The following FAM171A1 variants were observed in gnomAD, a reference collection of about 807,000 sequenced individuals.
FAM171A1 encodes family with sequence similarity 171 member A1, also known as protein FAM171A1.
FAM171A1 carries 23 observed loss-of-function variants against 74.9 expected under a neutral mutation model. The ratio of observed to expected loss-of-function variants is 0.31; its 90% CI spans 0.22 to 0.44. The LOEUF (loss-of-function observed/expected upper bound fraction) is 0.44. FAM171A1 is among the 20% of genes least tolerant of loss of function. FAM171A1 has a pLI of 1.00. For missense variants in FAM171A1, 1,162 were observed against 1,159.2 expected (o/e 1.00, Z -0.03); for synonymous variants, 527 against 505.7 (o/e 1.04, Z -0.57).
At chr10:15,270,289 C>A (rs1367535706) in intron 3 of FAM171A1, among the ~76,000 whole-genome samples, 1 of 152,220 alleles carries the variant, frequency 6.6e-6, no homozygotes, top group Non-Finnish European at 1.5e-5. Flanking sequence ...GCTAGCACAG[C>A]AGTCTGAGAT....
intron 6 of FAM171A1, among the ~76,000 whole-genome samples, chr10:15,216,869 G>C (rs546223593): frequency 1.6e-4 from 24 of 147,562 alleles, no homozygotes; most frequent in African/African-American, 5.7e-4. Context: ...TTTTATTTTC[G>C]CTTTTCCCGG....
chr10:15,258,565 C>T (rs1834613155), intron 3 of FAM171A1, among the ~76,000 whole-genome samples: 2 of 152,180 alleles, frequency 1.3e-5, no homozygotes, highest in Middle Eastern at 3.2e-3. Flanking sequence ...CTGTTATCCC[C>T]ATAAGCGAAT....
chr10:15,252,213 GC>G (rs927200372), intron 4 of FAM171A1, among the ~76,000 whole-genome samples: 1 of 152,106 alleles, frequency 6.6e-6, no homozygotes, highest in Non-Finnish European at 1.5e-5. Context: ...AGAGGAGGGG[GC>G]CCCCAAGAGC....
At chr10:15,273,516 G>C (rs1375360573) in intron 3 of FAM171A1, among the ~76,000 whole-genome samples, 5 of 152,172 alleles carry the variant, frequency 3.3e-5, no homozygotes, top group Non-Finnish European at 7.3e-5. Flanking sequence ...AATAGAAAAA[G>C]AGGGAATCTT....
At chr10:15,277,630 C>T (rs532046145) in intron 2 of FAM171A1, among the ~76,000 whole-genome samples, 1 of 152,298 alleles carries the variant, frequency 6.6e-6, no homozygotes, top group East Asian at 1.9e-4. Context: ...GCCAGGGCTA[C>T]GATTTGAACT....
intron 5 of FAM171A1, among the ~76,000 whole-genome samples, chr10:15,243,408 G>T (rs1290923680): frequency 6.6e-6 from 1 of 152,164 alleles, no homozygotes; most frequent in Non-Finnish European, 1.5e-5. Flanking sequence ...AGATTAGGAT[G>T]CAGAGATAGT....
Position 15,214,187 on chromosome 10 carries a change from C to T in FAM171A1, c.1401G>A (p.Lys467=), listed in dbSNP as rs746057503. Residue 467 remains lysine (K), a synonymous_variant, in exon 8 of 8, where the codon AAG becomes AAA. Transcript: ENST00000378116. The stretch of plus-strand genomic sequence containing the variant: ...CTTCTCTTTCCATAGATTTTCTTGC[C>T]TTTAAGGGAAAAACCTCCACTGACT... ...YHKSVEVFPL[K]ARKSMEREGY... 21 of 1,614,046 alleles carry T rather than the reference C, an allele frequency of 1.3e-5. No homozygotes were observed. The highest frequency in any genetic ancestry group is 2.2e-5 in the South Asian group (2 of 91,078).
intron 3 of FAM171A1, among the ~76,000 whole-genome samples, chr10:15,264,227 T>G (rs1834707900): frequency 6.6e-6 from 1 of 152,192 alleles, no homozygotes; most frequent in African/African-American, 2.4e-5. Context: ...CAAAGTGCCT[T>G]GACCTTGGCC....
At position 15,371,069 on chromosome 10, in the gene FAM171A1, GCGGCGGCTCGGGCTCGC is replaced by G; in HGVS notation, c.-34_-18del. 1 of 1,063,858 alleles carries G rather than the reference GCGGCGGCTCGGGCTCGC, an allele frequency of 9.4e-7. No individual in the cohort carries two copies. The highest frequency in any genetic ancestry group is 1.7e-5 in the African/African-American group (1 of 58,318). 65.9% of individuals were successfully genotyped at this position (1,063,858 alleles called of 1,614,324 possible). A position where few individuals can be genotyped will look rare whatever the true frequency, so the allele number is the denominator to read the frequency against. The stretch of plus-strand genomic sequence containing the variant: ...CCTGCTCATCTCCGCCGCGGGGCCG[GCGGCGGCTCGGGCTCGC>G]CGAGAGCGGGCCGGGCGGCGGCGCG... On this transcript the variant is annotated 5_prime_UTR_variant, in exon 1 of 8. Transcript: ENST00000378116.
intron 4 of FAM171A1, among the ~76,000 whole-genome samples, chr10:15,253,217 T>C (rs949879947): frequency 2.6e-5 from 4 of 152,106 alleles, no homozygotes; most frequent in Non-Finnish European, 5.9e-5. Context: ...TTGGCCAGGC[T>C]GGTCTCAAAC....
intron 1 of FAM171A1, among the ~76,000 whole-genome samples, chr10:15,346,367 A>G (rs536277498): frequency 6.6e-6 from 1 of 152,220 alleles, no homozygotes; most frequent in East Asian, 1.9e-4. Context: ...GAAGTACTGG[A>G]ATTACAGGTG....
At chr10:15,350,649 C>CTT (rs761496484) in intron 1 of FAM171A1, among the ~76,000 whole-genome samples, 14 of 125,252 alleles carry the variant, frequency 1.1e-4, no homozygotes, top group African/African-American at 2.7e-4. Context: ...CCAATTCTCT[C>CTT]TTTTTTTTTT....
chr10:15,241,997 C>T (rs1185909033), intron 5 of FAM171A1, among the ~76,000 whole-genome samples: 2 of 152,144 alleles, frequency 1.3e-5, no homozygotes, highest in Non-Finnish European at 2.9e-5. Flanking sequence ...AATAGATTCA[C>T]AAGTTGCTAT....
chr10:15,347,650 A>G (rs1466306544), intron 1 of FAM171A1, among the ~76,000 whole-genome samples: 2 of 151,984 alleles, frequency 1.3e-5, no homozygotes, highest in Non-Finnish European at 2.9e-5. Flanking sequence ...ATCCTGGCCA[A>G]CATGGTGAAA....
intron 5 of FAM171A1, among the ~76,000 whole-genome samples, chr10:15,233,824 C>T (rs1834242751): frequency 6.6e-6 from 1 of 150,736 alleles, no homozygotes; most frequent in African/African-American, 2.5e-5. Flanking sequence ...ATCGCTTGAA[C>T]CAGGGAGTCA....
chr10:15,301,463 A>G (rs1271748432), intron 1 of FAM171A1, among the ~76,000 whole-genome samples: 3 of 151,218 alleles, frequency 2.0e-5, no homozygotes, highest in Non-Finnish European at 4.4e-5. Flanking sequence ...TTGGCCTCCC[A>G]AAGTGCTGGG....
chr10:15,278,010 C>A (rs1220536321), intron 2 of FAM171A1, among the ~76,000 whole-genome samples: 1 of 152,160 alleles, frequency 6.6e-6, no homozygotes, highest in Non-Finnish European at 1.5e-5. Flanking sequence ...CCCTCCTCGG[C>A]CTCCCAAAGT....
intron 1 of FAM171A1, among the ~76,000 whole-genome samples, chr10:15,303,326 GCTTCAT>G (rs1174932651): frequency 6.6e-6 from 1 of 152,132 alleles, no homozygotes; most frequent in Admixed American, 6.5e-5. Flanking sequence ...GAAATTTCCT[GCTTCAT>G]CTATGGGGGA....
At chr10:15,329,518 CAGG>C (rs1222662629) in intron 1 of FAM171A1, among the ~76,000 whole-genome samples, 21 of 151,776 alleles carry the variant, frequency 1.4e-4, no homozygotes, top group Non-Finnish European at 1.6e-4. Context: ...CCCAGCTACT[CAGG>C]AGAATGAGGT....
Sources: gnomAD v4.1 joint callset for allele counts (sites outside exome capture counted in the v4.1 genomes callset) on GRCh38, gnomAD v4.1.1 for gene constraint, MANE v1.5 for transcripts, NCBI Gene and HGNC (gene_info 2026-07-23, HGNC 2026-07-21) for gene names.